LTBP1: variants seen among roughly 807,000 people sequenced by gnomAD.
LTBP1 encodes latent-transforming growth factor beta-binding protein 1.
In LTBP1, 129 loss-of-function variants were observed where a neutral mutation model predicts 207.6. That is an observed-to-expected ratio of 0.62 (90% confidence interval 0.54 to 0.72). LTBP1 has a LOEUF of 0.72. LTBP1 is among the 30% of genes least tolerant of loss of function. LTBP1 has a pLI of 0.00. For synonymous variants in LTBP1, 963 were observed against 833.7 expected (o/e 1.16, Z -2.67); for missense variants, 2,281 against 2,217.2 (o/e 1.03, Z -0.58).
At chr2:33,315,305 A>G (rs2094252862) in intron 24 of LTBP1, 36 bp downstream of exon 24, 2 of 1,608,414 alleles carry the variant, frequency 1.2e-6, no homozygotes, top group African/African-American at 1.3e-5. Context: ...TTGTTGTGTG[A>G]TAAAAGAGAG....
intron 32 of LTBP1, among the ~76,000 whole-genome samples, chr2:33,395,274 C>A (rs2095348621): frequency 6.6e-6 from 1 of 152,164 alleles, no homozygotes; most frequent in African/African-American, 2.4e-5. Context: ...GACCGAGTTC[C>A]TCTGATTCAA....
chr2:33,166,067 G>GTTTTTTTTTTTTTTTT (rs143905437), intron 5 of LTBP1, among the ~76,000 whole-genome samples: 1 of 140,844 alleles, frequency 7.1e-6, no homozygotes, highest in Non-Finnish European at 1.6e-5. Context: ...AGTAATGTAT[G>GTTTTTTTTTTTTTTTT]TTTTTTTTTT....
chr2:33,379,769 C>T (rs1216254621), intron 31 of LTBP1, among the ~76,000 whole-genome samples: 2 of 152,194 alleles, frequency 1.3e-5, no homozygotes, highest in East Asian at 3.8e-4. Flanking sequence ...ATTTTCATGA[C>T]TAGTCATTGA....
intron 15 of LTBP1, among the ~76,000 whole-genome samples, chr2:33,267,640 AT>A (rs1160783088): frequency 6.6e-6 from 1 of 152,202 alleles, no homozygotes; most frequent in Non-Finnish European, 1.5e-5. Flanking sequence ...AGACATTGTA[AT>A]TTACTAGTTC....
chr2:33,116,175 G>T (rs1030714568), intron 4 of LTBP1, among the ~76,000 whole-genome samples: 9 of 152,302 alleles, frequency 5.9e-5, no homozygotes, highest in African/African-American at 2.2e-4. Context: ...GATTAGCGAA[G>T]CTCCAATTTA....
At chr2:33,202,168 GA>G (rs2089377753) in intron 7 of LTBP1, among the ~76,000 whole-genome samples, 1 of 152,100 alleles carries the variant, frequency 6.6e-6, no homozygotes, top group African/African-American at 2.4e-5. Flanking sequence ...CATTGAAGTG[GA>G]AAGTATCCTA....
chr2:33,259,405 TTC>T (rs1470990320), intron 12 of LTBP1, among the ~76,000 whole-genome samples, 181 bp from the exon 13 acceptor site: 4 of 152,190 alleles, frequency 2.6e-5, no homozygotes, highest in Non-Finnish European at 5.9e-5. Context: ...GCACTGAGAG[TTC>T]TCTGTTAGTC....
chr2:32,947,553 C>A lies in LTBP1; in HGVS notation c.229C>A (p.Pro77Thr). 7.3e-7 allele frequency: 1 copy of A among 1,366,886 alleles called. No homozygotes were observed. Among genetic ancestry groups the A allele is most frequent in the Non-Finnish European group, 9.4e-7 (1 of 1,062,508 alleles). 84.7% of individuals were successfully genotyped at this position (1,366,886 alleles called of 1,614,324 possible). A position where few individuals can be genotyped will look rare whatever the true frequency, so the allele number is the denominator to read the frequency against. Residue 77 changes from proline (P) to threonine (T), a missense_variant, in exon 1 of 34, where the codon CCC becomes ACC. By Grantham distance (38) the Pro-to-Thr change is conservative. This residue lies in a region of LTBP1 where 555 missense variants were observed against 491.0 expected (regional missense o/e 1.13). Transcript: ENST00000404816. ...TGCCGGCGCCCCCAGCCGTGCCTCC[C>A]CCGGGGTCCCCTCGGAGAGGACCCG... ...AAAGAPSRASPGVPSERTRRT... is the reference protein window; with the variant it reads ...AAAGAPSRASTGVPSERTRRT...
At chr2:32,984,211 A>G (rs534318666) in intron 2 of LTBP1, among the ~76,000 whole-genome samples, 6 of 152,180 alleles carry the variant, frequency 3.9e-5, no homozygotes, top group African/African-American at 7.2e-5. Context: ...ACAGCACAAG[A>G]CTGTCTGTTT....
intron 18 of LTBP1, 24 bp from the exon 19 acceptor site, chr2:33,280,015 C>T (rs1439089162): frequency 5.0e-6 from 8 of 1,611,778 alleles, no homozygotes; most frequent in South Asian, 1.1e-5. Context: ...AAAATGTTCA[C>T]GACCTAGGTT....
intron 5 of LTBP1, among the ~76,000 whole-genome samples, chr2:33,163,070 C>T (rs2084598466): frequency 6.6e-6 from 1 of 152,294 alleles, no homozygotes; most frequent in East Asian, 1.9e-4. Context: ...CAACTTCTGC[C>T]CCCTGGGCTC....
At chr2:33,315,397 C>A in intron 24 of LTBP1, 128 bp downstream of exon 24, 1 of 1,111,790 alleles carries the variant, frequency 9.0e-7, no homozygotes, top group Non-Finnish European at 1.3e-6. Context: ...ATGTATGCAT[C>A]AAAGTAAACC....
intron 4 of LTBP1, among the ~76,000 whole-genome samples, chr2:33,123,109 T>A (rs898926377): frequency 6.6e-6 from 1 of 152,202 alleles, no homozygotes; most frequent in Non-Finnish European, 1.5e-5. Context: ...ATTCCCTCTT[T>A]CCACATAGAA....
chr2:33,114,401 C>T (rs1383006149), intron 4 of LTBP1, among the ~76,000 whole-genome samples: 1 of 152,018 alleles, frequency 6.6e-6, no homozygotes, highest in Non-Finnish European at 1.5e-5. Context: ...GGATTTGGCT[C>T]ATGGGCTATA....
intron 4 of LTBP1, among the ~76,000 whole-genome samples, chr2:33,125,519 A>G (rs75550549): frequency 0.062 from 9,495 of 152,216 alleles, 325 homozygotes; most frequent in Middle Eastern, 0.12. Context: ...TATGTTAGTT[A>G]TCAGTTGCTG....
intron 4 of LTBP1, among the ~76,000 whole-genome samples, chr2:33,126,356 C>T (rs2081435357): frequency 6.6e-6 from 1 of 152,180 alleles, no homozygotes. Context: ...GCATTAGCCA[C>T]CATATCTGGT....
intron 7 of LTBP1, among the ~76,000 whole-genome samples, chr2:33,212,814 G>A (rs544761793): frequency 2.0e-5 from 3 of 152,278 alleles, no homozygotes; most frequent in Admixed American, 2.0e-4. Flanking sequence ...CCAAGGAAAT[G>A]CTCGTTGGAA....
rs137889380 is a variant in LTBP1, at chr2:33,074,391, C to T, written c.864-36191C>T. Among the ~76,000 whole-genome samples, 515 of 151,552 alleles carry T rather than the reference C, an allele frequency of 3.4e-3. 3 individuals carry two copies. Among genetic ancestry groups the T allele is most frequent in the African/African-American group, 0.011 (469 of 41,462 alleles). On this transcript the variant is annotated intron_variant, in intron 3 of 33. Transcript: ENST00000404816. Reference sequence around the variant, plus strand: ...AACTGACTCAGTTACTTTCTCTAGGCCCTGTACTAGGGTAGAGATACTGAA... The same window carrying T: ...AACTGACTCAGTTACTTTCTCTAGGTCCTGTACTAGGGTAGAGATACTGAA...
chr2:33,066,115 A>G (rs1284884317), intron 3 of LTBP1, among the ~76,000 whole-genome samples: 2 of 152,114 alleles, frequency 1.3e-5, no homozygotes, highest in African/African-American at 4.8e-5. Flanking sequence ...CCTATAATCA[A>G]TATTTTCCCT....
Sources: allele counts gnomAD v4.1 joint callset (sites outside exome capture counted in the v4.1 genomes callset), GRCh38; gene constraint gnomAD v4.1.1; regional missense constraint gnomAD v4.1.1; transcripts MANE v1.5; gene names NCBI Gene and HGNC (gene_info 2026-07-23, HGNC 2026-07-21).